The following TRIM13 variants were observed in gnomAD, a reference collection of about 807,000 sequenced individuals.
TRIM13 encodes the protein E3 ubiquitin-protein ligase TRIM13.
A neutral mutation model predicts 27.1 loss-of-function variants in TRIM13; 15 were observed. That is an observed-to-expected ratio of 0.55 (90% CI 0.37 to 0.85). TRIM13 has a LOEUF of 0.85. TRIM13 is among the 40% of genes least tolerant of loss of function. The pLI, the probability that TRIM13 is intolerant of heterozygous loss-of-function variation, is 0.00. For synonymous variants in TRIM13, 193 were observed against 171.5 expected (o/e 1.13, Z -0.98); for missense variants, 402 against 472.2 (o/e 0.85, Z 1.38).
rs1876139085 is a variant in TRIM13, at chr13:50,014,561, A to T, written c.*1397A>T. ...GTTTAGTGTAGTTAAGACTAATTTG[A>T]CAACAGATAAAACAGTCTGTCAGCT... On this transcript the variant is annotated 3_prime_UTR_variant, in exon 2 of 2. Transcript: ENST00000378182. 1 of 166,670 alleles carries T rather than the reference A, an allele frequency of 6.0e-6. No homozygotes were observed. Among genetic ancestry groups the T allele is most frequent in the African/African-American group, 2.4e-5 (1 of 41,314 alleles). 10.3% of individuals were successfully genotyped at this position (166,670 alleles called of 1,614,324 possible).
chr13:50,016,947 GTCTC>G lies in TRIM13; in HGVS notation c.*3791_*3794del, dbSNP rs1184254177. 1 of 165,520 alleles carries G rather than the reference GTCTC, an allele frequency of 6.0e-6. No individual in the cohort carries two copies. The highest frequency in any genetic ancestry group is 1.5e-5 in the Non-Finnish European group (1 of 67,974). 10.3% of individuals were successfully genotyped at this position (165,520 alleles called of 1,614,324 possible). On this transcript the variant is annotated 3_prime_UTR_variant, in exon 2 of 2. Transcript: ENST00000378182. ...AGTAGCCAACAGGAAGGATACCAGT[GTCTC>G]TCTCTCTTAGCGACACACTCCTTGG...
chr13:50,014,687 CAAA>C lies in TRIM13; in HGVS notation c.*1524_*1526del, dbSNP rs1366983095. 4.8e-5 allele frequency: 8 copies of C among 166,714 alleles called. No homozygotes were observed. The highest frequency in any genetic ancestry group is 1.2e-4 in the Non-Finnish European group (8 of 68,072). 10.3% of individuals were successfully genotyped at this position (166,714 alleles called of 1,614,324 possible). ...AACACCTTGCTTAGAATTCATATAA[CAAA>C]GAAGTAACCTTATAACTGCTCTCTA... On this transcript the variant is annotated 3_prime_UTR_variant, in exon 2 of 2. Transcript: ENST00000378182.
rs958913244 is a variant in TRIM13 at position 50,012,904 on chromosome 13, C to T, written c.964C>T (p.Leu322Phe). The part of the protein sequence containing the change: ...WSFYKLFLLI[L>F]LLGLVIVFGP... The stretch of plus-strand genomic sequence containing the variant: ...CTTTTATAAGTTATTTTTGCTAATC[C>T]TTCTGCTTGGCCTTGTCATTGTCTT... The change falls in exon 2 of 2, where the codon CTT (leucine) becomes TTT (phenylalanine). Residue 322 changes from leucine (L) to phenylalanine (F), a missense_variant. Around this residue, in one of 2 missense-constraint regions of TRIM13, gnomAD observed 200 missense variants for 194.7 expected, o/e 1.03. Transcript: ENST00000378182. The T allele has an allele frequency of 2.5e-6, 4 of 1,613,852 alleles. No individual in the cohort carries two copies. Among genetic ancestry groups the T allele is most frequent in the Non-Finnish European group, 3.4e-6 (4 of 1,179,970 alleles).
chr13:50,001,560 AC>A (rs1566432104), intron 1 of TRIM13, among the ~76,000 whole-genome samples: 2 of 152,182 alleles, frequency 1.3e-5, no homozygotes, highest in Admixed American at 1.3e-4. Context: ...AATTTTAACT[AC>A]TGTTTATTCT....
chr13:50,003,912 A>G (rs1874353230), intron 1 of TRIM13, among the ~76,000 whole-genome samples: 1 of 152,230 alleles, frequency 6.6e-6, no homozygotes, highest in Admixed American at 6.5e-5. Context: ...ACTAGTGTCT[A>G]CTACCACCTT....
Position 49,997,729 on chromosome 13 carries a change from AC to A in TRIM13, c.-38del, listed in dbSNP as rs1488274836. ...ACCTGCTTTGCCCTGGGAAATAGTA[AC>A]CCTGCCAAATACATCAGCTTGTAGG... On this transcript the variant is annotated 5_prime_UTR_variant, in exon 1 of 2. Coordinates refer to ENST00000378182, the MANE Select transcript of TRIM13 (RefSeq NM_213590.3). 1 of 152,124 alleles carries A rather than the reference AC, an allele frequency of 6.6e-6. No individual in the cohort carries two copies. Among genetic ancestry groups the A allele is most frequent in the Admixed American group, 6.6e-5 (1 of 15,260 alleles). 9.4% of individuals were successfully genotyped at this position (152,124 alleles called of 1,614,324 possible). A position where few individuals can be genotyped will look rare whatever the true frequency, so the allele number is the denominator to read the frequency against.
chr13:50,012,634 G>T lies in TRIM13; in HGVS notation c.694G>T (p.Ala232Ser). The T allele has an allele frequency of 6.2e-7, 1 of 1,614,124 alleles. No homozygotes were observed. The highest frequency in any genetic ancestry group is 8.5e-7 in the Non-Finnish European group (1 of 1,180,012). ...LNTILQEQRM[A>S]FNIAEAFKDV... is the part of the protein sequence containing the mutation. ...CACCATCTTGCAGGAGCAACGGATGGCCTTTAACATTGCTGAGGCTTTCAA... is the reference window on the plus strand; with the variant it reads ...CACCATCTTGCAGGAGCAACGGATGTCCTTTAACATTGCTGAGGCTTTCAA... Residue 232 changes from alanine to serine, a missense_variant, in exon 2 of 2, where the codon GCC becomes TCC. This residue lies in a region of TRIM13 where 202 missense variants were observed against 277.5 expected (regional missense o/e 0.73). Transcript: ENST00000378182.
chr13:49,997,796 T>TC (rs1433160220), intron 1 of TRIM13, 33 bp downstream of exon 1: 3 of 151,454 alleles, frequency 2.0e-5, no homozygotes, highest in Non-Finnish European at 2.9e-5. Flanking sequence ...TGTTATCTTT[T>TC]TTTTTTAAAC....
At chr13:50,002,203 A>C (rs529567116) in intron 1 of TRIM13, among the ~76,000 whole-genome samples, 46 of 152,232 alleles carry the variant, frequency 3.0e-4, no homozygotes, top group Non-Finnish European at 5.6e-4. Flanking sequence ...AGCCTGGCCA[A>C]CATGGCGAAA....
chr13:50,009,756 A>C (rs147646073), intron 1 of TRIM13, among the ~76,000 whole-genome samples: 3,122 of 122,442 alleles, frequency 0.025, 54 homozygotes, highest in Non-Finnish European at 0.038. Flanking sequence ...AAAAAAAAAA[A>C]AACAACAACA....
At chr13:50,007,373 C>G (rs1874874610) in intron 1 of TRIM13, among the ~76,000 whole-genome samples, 1 of 150,314 alleles carries the variant, frequency 6.7e-6, no homozygotes. Context: ...TGCCTGTAAT[C>G]CCAGCTACTC....
chr13:50,007,914 T>TA (rs1875009572), intron 1 of TRIM13, among the ~76,000 whole-genome samples: 1 of 152,074 alleles, frequency 6.6e-6, no homozygotes, highest in African/African-American at 2.4e-5. Flanking sequence ...TATTCGCTTT[T>TA]TTTTTTTTGA....
chr13:49,998,578 TCA>T (rs1402473670), intron 1 of TRIM13, among the ~76,000 whole-genome samples: 1 of 152,130 alleles, frequency 6.6e-6, no homozygotes, highest in East Asian at 1.9e-4. Flanking sequence ...TATGGAATTC[TCA>T]CACATCACAC....
chr13:50,014,898 T>A lies in TRIM13; in HGVS notation c.*1734T>A, dbSNP rs953229525. On this transcript the variant is annotated 3_prime_UTR_variant, in exon 2 of 2. Coordinates refer to ENST00000378182, the MANE Select transcript of TRIM13 (RefSeq NM_213590.3). ...TAAAGCACAGAAGAAATGATTTCCT[T>A]CTAGCTATGAGAATAGTCAAATTGA... 6.0e-6 allele frequency: 1 copy of A among 166,380 alleles called. No homozygotes were observed. Among genetic ancestry groups the A allele is most frequent in the Non-Finnish European group, 1.5e-5 (1 of 68,008 alleles). The allele number at this position is 166,380 out of a possible 1,614,324, so 10.3% of individuals were successfully genotyped here. A position where few individuals can be genotyped will look rare whatever the true frequency, so the allele number is the denominator to read the frequency against.
Position 50,015,522 on chromosome 13 carries a change from A to G in TRIM13, c.*2358A>G, listed in dbSNP as rs371471440. 8.9e-5 allele frequency: 143 copies of G among 1,613,388 alleles called. No homozygotes were observed. The highest frequency in any genetic ancestry group is 1.3e-4 in the Admixed American group (8 of 59,928). ...AGTAGTCAGGAACTGGTCACTTTGA[A>G]TGTGGGAGGGAAGATATTCACGACA... On this transcript the variant is annotated 3_prime_UTR_variant, in exon 2 of 2. Coordinates refer to ENST00000378182, the MANE Select transcript of TRIM13 (RefSeq NM_213590.3).
chr13:50,008,869 G>GA lies in TRIM13; in HGVS notation c.-6-3056dup, dbSNP rs917491783. Reference sequence around the variant, plus strand: ...CATCTCTACAAAAAAAAACTACAAAGAAAAAAAAAATTAGCTGAGTGTGAT... The same window carrying GA: ...CATCTCTACAAAAAAAAACTACAAAGAAAAAAAAAAATTAGCTGAGTGTGAT... On this transcript the variant is annotated intron_variant, in intron 1 of 1. Coordinates refer to ENST00000378182, the MANE Select transcript of TRIM13 (RefSeq NM_213590.3). Among the ~76,000 whole-genome samples, 60 of 147,248 alleles carry GA rather than the reference G, an allele frequency of 4.1e-4. No homozygotes were observed. In the East Asian group the frequency reaches 0.01, roughly 25 times the overall value.
At position 50,015,836 on chromosome 13, in the gene TRIM13, C is replaced by G. The variant is rs777921805; in HGVS notation, c.*2672C>G. On this transcript the variant is annotated 3_prime_UTR_variant, in exon 2 of 2. Coordinates refer to ENST00000378182, the MANE Select transcript of TRIM13 (RefSeq NM_213590.3). ...ACCTGCTCTTGTGGAGGTACATTTC[C>G]TAAGCCGGAACACTCAAGCTTTTTT... is the stretch of plus-strand genomic sequence containing the variant. 4 of 1,614,022 alleles carry G rather than the reference C, an allele frequency of 2.5e-6. No homozygotes were observed. In the Admixed American group the frequency reaches 6.7e-5, roughly 27 times the overall value.
intron 1 of TRIM13, among the ~76,000 whole-genome samples, chr13:50,002,222 C>G (rs1874128183): frequency 6.6e-6 from 1 of 152,098 alleles, no homozygotes; most frequent in Admixed American, 6.6e-5. Flanking sequence ...AACCCCGTCT[C>G]TATTAAAAAC....
Position 50,013,178 on chromosome 13 carries a change from T to C in TRIM13, c.*14T>C, listed in dbSNP as rs1477210717. ...AAACTATTATAAAATCTGTTTCAAG[T>C]ATGCAGTTTTCTTTTGTTAGAAATT... On this transcript the variant is annotated 3_prime_UTR_variant, in exon 2 of 2. Transcript: ENST00000378182. The C allele has an allele frequency of 1.3e-6, 2 of 1,522,858 alleles. No homozygotes were observed. Among genetic ancestry groups the C allele is most frequent in the Non-Finnish European group, 8.8e-7 (1 of 1,138,550 alleles). 94.3% of individuals were successfully genotyped at this position (1,522,858 alleles called of 1,614,324 possible). A position where few individuals can be genotyped will look rare whatever the true frequency, so the allele number is the denominator to read the frequency against.
Sources: gnomAD v4.1 joint callset for allele counts (sites outside exome capture counted in the v4.1 genomes callset) on GRCh38, gnomAD v4.1.1 for gene constraint, gnomAD v4.1.1 regional missense constraint, MANE v1.5 for transcripts, NCBI Gene and HGNC (gene_info 2026-07-23, HGNC 2026-07-21) for gene names.